The following MEIS2 variants were observed in gnomAD, a reference collection of about 807,000 sequenced individuals.
MEIS2 encodes homeobox protein Meis2.
A neutral mutation model predicts 58.6 loss-of-function variants in MEIS2; 9 were observed. The observed-to-expected ratio is 0.15, with a 90% CI of 0.09 to 0.27. The LOEUF (loss-of-function observed/expected upper bound fraction) is 0.27. MEIS2 is among the 10% of genes least tolerant of loss of function. The probability of loss-of-function intolerance (pLI) is 1.00; values close to 1 mark genes in which losing one functional copy is unlikely to be tolerated. For synonymous variants in MEIS2, 221 were observed against 228.4 expected (o/e 0.97, Z 0.29); for missense variants, 427 against 635.0 (o/e 0.67, Z 3.52).
intron 9 of MEIS2, among the ~76,000 whole-genome samples, chr15:36,939,760 G>A (rs1221334210): frequency 2.0e-5 from 3 of 152,018 alleles, no homozygotes; most frequent in Non-Finnish European, 2.9e-5. Flanking sequence ...TGCCTGGGCT[G>A]GAAATTTTTA....
At chr15:37,074,886 C>T (rs1323691252) in intron 7 of MEIS2, among the ~76,000 whole-genome samples, 3 of 151,996 alleles carry the variant, frequency 2.0e-5, no homozygotes, top group Non-Finnish European at 4.4e-5. Context: ...GACAGTAACC[C>T]ATGTAGATGA....
chr15:37,101,224 CGA>C (rs1311509618), upstream of MEIS2: 2 of 152,390 alleles, frequency 1.3e-5, no homozygotes, highest in Non-Finnish European at 2.9e-5. Context: ...GGGGCCACCC[CGA>C]GAGTCTTTGG....
At chr15:37,063,195 G>T (rs1398801929) in intron 7 of MEIS2, among the ~76,000 whole-genome samples, 2 of 152,148 alleles carry the variant, frequency 1.3e-5, no homozygotes, top group Non-Finnish European at 2.9e-5. Flanking sequence ...GTATCTAAGA[G>T]CATTTTGTTT....
intron 7 of MEIS2, among the ~76,000 whole-genome samples, chr15:37,049,460 G>T (rs7169007): frequency 0.2 from 29,794 of 151,812 alleles, 3,317 homozygotes; most frequent in East Asian, 0.27. Context: ...CAATAAAGTT[G>T]TGGTTTTGTT....
chr15:36,906,931 C>G (rs1273965650), intron 9 of MEIS2, among the ~76,000 whole-genome samples: 1 of 152,154 alleles, frequency 6.6e-6, no homozygotes, highest in South Asian at 2.1e-4. Context: ...CTAATAGGAC[C>G]AATTCGCTTT....
chr15:36,893,631 T>C (rs1402642148), intron 11 of MEIS2, among the ~76,000 whole-genome samples: 1 of 152,252 alleles, frequency 6.6e-6, no homozygotes, highest in Admixed American at 6.5e-5. Context: ...GCATAAAATA[T>C]GTTATGTAAT....
chr15:37,046,381 G>A (rs1436129613), intron 7 of MEIS2, among the ~76,000 whole-genome samples: 7 of 152,144 alleles, frequency 4.6e-5, no homozygotes, highest in Non-Finnish European at 8.8e-5. Flanking sequence ...ACCCAGCCAA[G>A]GCTGTGCAAA....
chr15:36,999,688 A>G (rs1462098331), intron 8 of MEIS2, among the ~76,000 whole-genome samples: 1 of 152,228 alleles, frequency 6.6e-6, no homozygotes, highest in African/African-American at 2.4e-5. Context: ...GAAGGCAAAC[A>G]CCTACAGAAT....
intron 8 of MEIS2, among the ~76,000 whole-genome samples, chr15:36,998,655 C>T (rs1314006005): frequency 6.6e-6 from 1 of 152,160 alleles, no homozygotes; most frequent in Non-Finnish European, 1.5e-5. Flanking sequence ...ATCTTCTTTA[C>T]AGTTTCATCT....
intron 9 of MEIS2, among the ~76,000 whole-genome samples, chr15:36,915,192 T>G (rs1186731047): frequency 1.2e-5 from 1 of 82,658 alleles, no homozygotes; most frequent in Non-Finnish European, 2.6e-5. Context: ...CAAGTACAAC[T>G]TCTGGGAAAA....
Position 36,902,846 on chromosome 15 carries a change from A to G in MEIS2, c.978-6160T>C, listed in dbSNP as rs187755259. Among the ~76,000 whole-genome samples the G allele has an allele frequency of 1.2e-3, 181 of 152,334 alleles. 1 individual carries two copies. Among genetic ancestry groups the G allele is most frequent in the African/African-American group, 4.1e-3 (169 of 41,576 alleles). On this transcript the variant is annotated intron_variant, in intron 9 of 11. Transcript: ENST00000561208. ...ATTGTACTCCATCTGTACCTCTTAA[A>G]GGAAAAGCTGGGCCAGTAAAATGTT...
intron 9 of MEIS2, 71 bp downstream of exon 9, chr15:36,950,253 A>T: frequency 3.2e-6 from 4 of 1,262,098 alleles, no homozygotes; most frequent in Non-Finnish European, 4.5e-6. Flanking sequence ...AAAAAAAAAA[A>T]GAGAGAAAAC....
intron 7 of MEIS2, among the ~76,000 whole-genome samples, chr15:37,074,963 A>G (rs1169344326): frequency 1.3e-5 from 2 of 152,068 alleles, no homozygotes; most frequent in African/African-American, 4.8e-5. Flanking sequence ...AATGCAAACT[A>G]TGAAAATCTG....
intron 7 of MEIS2, among the ~76,000 whole-genome samples, chr15:37,070,552 G>A (rs1285447354): frequency 1.3e-5 from 2 of 152,258 alleles, no homozygotes; most frequent in East Asian, 1.9e-4. Flanking sequence ...CTGTAGCAGA[G>A]GATACCCTGC....
At chr15:37,067,596 TA>T (rs5811961) in intron 7 of MEIS2, among the ~76,000 whole-genome samples, 220 of 144,706 alleles carry the variant, frequency 1.5e-3, no homozygotes, top group African/African-American at 4.6e-3. Context: ...AATCAGAAAT[TA>T]AAAAAAAAAA....
chr15:37,016,180 T>C (rs1248994301), intron 8 of MEIS2, among the ~76,000 whole-genome samples: 1 of 152,206 alleles, frequency 6.6e-6, no homozygotes, highest in Non-Finnish European at 1.5e-5. Context: ...GAATGAATGA[T>C]AAATTTAGCA....
chr15:36,892,214 G>T lies in MEIS2; in HGVS notation c.1393C>A (p.Pro465Thr). ...QSPTMLNSVD[P>T]NVGGQVMDIH... ...TCCATAACCTGTCCGCCAACATTGGGATCTACAGAATTTAACATTGTGGGG... is the reference window on the plus strand; with the variant it reads ...TCCATAACCTGTCCGCCAACATTGGTATCTACAGAATTTAACATTGTGGGG... The change falls in exon 12 of 12, where the codon CCC becomes ACC. Residue 465 changes from proline (P) to threonine (T), a missense_variant. By Grantham distance (38) the Pro-to-Thr change is conservative (BLOSUM62 -1). Coordinates refer to ENST00000561208, the MANE Select transcript of MEIS2 (RefSeq NM_170675.5). The T allele has an allele frequency of 6.2e-7, 1 of 1,614,146 alleles. No homozygotes were observed. Among genetic ancestry groups the T allele is most frequent in the Non-Finnish European group, 8.5e-7 (1 of 1,180,040 alleles).
In MEIS2 at chr15:37,096,415, A is replaced by G. The variant is rs751571055; in HGVS notation, c.261T>C (p.Pro87=). 1.9e-6 allele frequency: 3 copies of G among 1,613,448 alleles called. No individual in the cohort carries two copies. The highest frequency in any genetic ancestry group is 1.1e-5 in the South Asian group (1 of 91,016). The change falls in exon 3 of 12, where the codon CCT becomes CCC. Residue 87 remains proline, a synonymous_variant. Transcript: ENST00000561208. ...KDAIYGHPLF[P]LLALVFEKCE... is the part of the protein sequence containing the mutation. ...ACTTCTCAAAGACCAGAGCTAACAGAGGAAACAACGGGTGCCTAACGGGCA... is the reference window on the plus strand; with the variant it reads ...ACTTCTCAAAGACCAGAGCTAACAGGGGAAACAACGGGTGCCTAACGGGCA...
rs1236765109 is a variant in MEIS2 at position 36,890,977 on chromosome 15, G to A, written c.*1196C>T. 3.3e-5 allele frequency: 5 copies of A among 152,522 alleles called. No individual in the cohort carries two copies. The highest frequency in any genetic ancestry group is 1.2e-4 in the African/African-American group (5 of 41,422). 9.4% of individuals were successfully genotyped at this position (152,522 alleles called of 1,614,324 possible). A position where few individuals can be genotyped will look rare whatever the true frequency, so the allele number is the denominator to read the frequency against. On this transcript the variant is annotated 3_prime_UTR_variant, in exon 12 of 12. Coordinates refer to ENST00000561208, the MANE Select transcript of MEIS2 (RefSeq NM_170675.5). ...CTACTTTTAACACTGTATAGAGTTG[G>A]CATTGTGCAGTCTTGTCCTAAAACC...
Sources: allele counts gnomAD v4.1 joint callset (sites outside exome capture counted in the v4.1 genomes callset), GRCh38; gene constraint gnomAD v4.1.1; transcripts MANE v1.5; gene names NCBI Gene and HGNC (gene_info 2026-07-23, HGNC 2026-07-21).